Variants in NCKAP5 observed in about 807,000 individuals in gnomAD.
NCKAP5 encodes the protein nck-associated protein 5.
Under a neutral mutation model 167.0 loss-of-function variants are expected in NCKAP5, and 92 were observed. The observed-to-expected ratio is 0.55, with a 90% confidence interval of 0.47 to 0.66. The LOEUF is 0.66. Among genes scored for constraint, NCKAP5 ranks in the 30% least tolerant of loss-of-function variants. The pLI is 0.00. For missense variants in NCKAP5, 2,378 were observed against 2,315.0 expected (o/e 1.03, Z -0.56); for synonymous variants, 891 against 877.4 (o/e 1.02, Z -0.27).
At position 132,784,807 on chromosome 2, in the gene NCKAP5, A is replaced by G; in HGVS notation, c.2004T>C (p.Thr668=). The G allele has an allele frequency of 6.3e-7, 1 of 1,596,228 alleles. No homozygotes were observed. The highest frequency in any genetic ancestry group is 8.5e-7 in the Non-Finnish European group (1 of 1,169,754). ...CACCGTCTTCCGCATCAAATATCAC[A>G]GTCACACATTCTTCTGAAGAAGTCC... is the stretch of plus-strand genomic sequence containing the variant. ...VKRTSSEECV[T]VIFDAEDGEP... The change falls in exon 14 of 20, where the codon ACT becomes ACC. Residue 668 remains threonine, a synonymous_variant. Transcript: ENST00000409261.
intron 3 of NCKAP5, among the ~76,000 whole-genome samples, chr2:133,342,446 C>T (rs1472114187): frequency 6.6e-6 from 1 of 152,180 alleles, no homozygotes; most frequent in Non-Finnish European, 1.5e-5. Context: ...GACAAGGCTA[C>T]TCCCAACTCC....
chr2:133,479,472 C>G (rs1276101793), intron 3 of NCKAP5, among the ~76,000 whole-genome samples: 1 of 152,192 alleles, frequency 6.6e-6, no homozygotes, highest in Non-Finnish European at 1.5e-5. Context: ...TGGAAGGGAA[C>G]ATTTCAAAGT....
intron 5 of NCKAP5, among the ~76,000 whole-genome samples, chr2:133,157,190 T>C (rs999518392): frequency 1.3e-5 from 2 of 152,212 alleles, no homozygotes; most frequent in African/African-American, 4.8e-5. Flanking sequence ...AATGTAAGTA[T>C]ATCTTATCTT....
chr2:132,813,107 A>G (rs1333580393), intron 11 of NCKAP5, among the ~76,000 whole-genome samples: 2 of 152,230 alleles, frequency 1.3e-5, no homozygotes, highest in Non-Finnish European at 1.5e-5. Flanking sequence ...AGAAGAGCAT[A>G]TGAAAATGTC....
intron 5 of NCKAP5, among the ~76,000 whole-genome samples, chr2:133,137,701 A>G (rs912116205): frequency 6.6e-6 from 1 of 152,188 alleles, no homozygotes; most frequent in Non-Finnish European, 1.5e-5. Flanking sequence ...TGTGAACTTG[A>G]TGAAAGGAGT....
chr2:133,193,338 A>T (rs529628128), intron 5 of NCKAP5, among the ~76,000 whole-genome samples: 3 of 151,796 alleles, frequency 2.0e-5, no homozygotes, highest in African/African-American at 7.3e-5. Flanking sequence ...TGACTGTATC[A>T]ATGTCAACTG....
At chr2:133,558,050 C>T (rs1168935947) in intron 2 of NCKAP5, 1 of 152,244 alleles carries the variant, frequency 6.6e-6, no homozygotes, top group Non-Finnish European at 1.5e-5. Context: ...ATCCTATGTC[C>T]TTTAGCTGGC....
chr2:133,108,936 A>G (rs928535212), intron 6 of NCKAP5, among the ~76,000 whole-genome samples: 5 of 152,030 alleles, frequency 3.3e-5, no homozygotes, highest in East Asian at 3.9e-4. Flanking sequence ...CCATTCTTAC[A>G]CTGTTGGAAA....
chr2:133,388,984 C>T (rs1026759570), intron 3 of NCKAP5, among the ~76,000 whole-genome samples: 1 of 152,228 alleles, frequency 6.6e-6, no homozygotes, highest in South Asian at 2.1e-4. Flanking sequence ...TTGCGCTTCC[C>T]AGGTGAGGTG....
chr2:133,267,424 G>A (rs1273366440), intron 4 of NCKAP5: 1 of 152,142 alleles, frequency 6.6e-6, no homozygotes, highest in Non-Finnish European at 1.5e-5. Flanking sequence ...ATAATTGGCA[G>A]GTAAGAGCTG....
chr2:133,538,604 G>A (rs1031544439), intron 2 of NCKAP5, among the ~76,000 whole-genome samples: 1 of 151,952 alleles, frequency 6.6e-6, no homozygotes, highest in Admixed American at 6.6e-5. Flanking sequence ...TGGACCTACT[G>A]ACTTCTGTGT....
intron 4 of NCKAP5, among the ~76,000 whole-genome samples, chr2:133,263,953 A>G (rs914945087): frequency 2.6e-5 from 4 of 152,118 alleles, no homozygotes; most frequent in Non-Finnish European, 5.9e-5. Context: ...TTGCCTACTC[A>G]TTTTGCTTAA....
intron 6 of NCKAP5, among the ~76,000 whole-genome samples, chr2:133,055,512 TTA>T (rs2079767812): frequency 1.3e-5 from 2 of 150,140 alleles, no homozygotes; most frequent in Admixed American, 1.3e-4. Context: ...TATGAATAGT[TTA>T]TATATATATG....
At chr2:132,761,659 T>C (rs768002615) in intron 16 of NCKAP5, among the ~76,000 whole-genome samples, 4 of 152,232 alleles carry the variant, frequency 2.6e-5, no homozygotes, top group Non-Finnish European at 4.4e-5. Context: ...TGAAGATTCA[T>C]TCTTTTGAAC....
chr2:133,478,671 A>G (rs1325505208), intron 3 of NCKAP5, among the ~76,000 whole-genome samples: 1 of 152,226 alleles, frequency 6.6e-6, no homozygotes, highest in East Asian at 1.9e-4. Flanking sequence ...ATGACGAAAC[A>G]TACAGGATAG....
intron 8 of NCKAP5, among the ~76,000 whole-genome samples, chr2:132,890,726 C>T (rs187313082): frequency 6.6e-6 from 1 of 152,288 alleles, no homozygotes; most frequent in Admixed American, 6.5e-5. Context: ...CATCTTATCA[C>T]ACCTGGCTGC....
At chr2:132,863,186 T>C (rs1486244646) in intron 10 of NCKAP5, among the ~76,000 whole-genome samples, 1 of 152,202 alleles carries the variant, frequency 6.6e-6, no homozygotes, top group African/African-American at 2.4e-5. Context: ...GTTCTTAGCA[T>C]GTATATAACA....
intron 3 of NCKAP5, among the ~76,000 whole-genome samples, chr2:133,346,688 A>G (rs945282230): frequency 1.3e-5 from 2 of 152,210 alleles, no homozygotes; most frequent in African/African-American, 2.4e-5. Context: ...GGACTGGGCC[A>G]TGGCCCTCAC....
At chr2:133,162,719 AAGTCTTTACATCTCCACAATACAT>A (rs2149948331) in intron 5 of NCKAP5, among the ~76,000 whole-genome samples, 1 of 152,212 alleles carries the variant, frequency 6.6e-6, no homozygotes, top group South Asian at 2.1e-4. Flanking sequence ...GGAAATGTTC[AAGTCTTTACATCTCCACAATACAT>A]AGTCTTATAA....
Sources: allele counts gnomAD v4.1 joint callset (sites outside exome capture counted in the v4.1 genomes callset), GRCh38; gene constraint gnomAD v4.1.1; transcripts MANE v1.5; gene names NCBI Gene and HGNC (gene_info 2026-07-23, HGNC 2026-07-21).